Variants in CARMIL1 observed in about 807,000 individuals in gnomAD.
The protein encoded by CARMIL1 is F-actin-uncapping protein LRRC16A.
A neutral mutation model predicts 177.1 loss-of-function variants in CARMIL1; 90 were observed. The observed-to-expected ratio is 0.51, with a 90% CI of 0.43 to 0.61. The LOEUF is 0.61. CARMIL1 is among the 20% of genes least tolerant of loss of function. The pLI is 0.00. For synonymous variants in CARMIL1, 577 were observed against 606.2 expected (o/e 0.95, Z 0.71); for missense variants, 1,380 against 1,667.0 (o/e 0.83, Z 3.00).
At position 25,485,801 on chromosome 6, in the gene CARMIL1, A is replaced by T. The variant is rs578054433; in HGVS notation, c.962-2681A>T. 5.9e-5 allele frequency among the ~76,000 whole-genome samples: 9 copies of T among 152,246 alleles called. No individual in the cohort carries two copies. The East Asian group carries it at 1.4e-3, about 23-fold the overall frequency. On this transcript the variant is annotated intron_variant, in intron 12 of 36. Coordinates refer to ENST00000329474, the MANE Select transcript of CARMIL1 (RefSeq NM_017640.6). The stretch of plus-strand genomic sequence containing the variant: ...TGTTTGTTTATTTATTTATTTTTTT[A>T]AATTGACTTCTTGAAGTATTTTACA...
At chr6:25,372,230 A>C (rs1448224969) in intron 2 of CARMIL1, among the ~76,000 whole-genome samples, 2 of 151,786 alleles carry the variant, frequency 1.3e-5, no homozygotes, top group Non-Finnish European at 2.9e-5. Flanking sequence ...TGTTTTGGCT[A>C]TTCAGGTTCT....
At chr6:25,476,192 A>C (rs755209005) in intron 11 of CARMIL1, among the ~76,000 whole-genome samples, 2 of 152,194 alleles carry the variant, frequency 1.3e-5, no homozygotes, top group Non-Finnish European at 2.9e-5. Context: ...CATGTGTTCA[A>C]AGATGATGTT....
chr6:25,618,045 GT>G (rs568461109), intron 36 of CARMIL1, among the ~76,000 whole-genome samples: 199 of 152,140 alleles, frequency 1.3e-3, no homozygotes, highest in African/African-American at 4.1e-3. Context: ...GATTTGAAAG[GT>G]TTTTTTCCTT....
At chr6:25,307,830 T>C (rs1325728244) in intron 2 of CARMIL1, among the ~76,000 whole-genome samples, 1 of 152,256 alleles carries the variant, frequency 6.6e-6, no homozygotes, top group Non-Finnish European at 1.5e-5. Flanking sequence ...AGTGTAAGCC[T>C]CTTTTTTGAT....
intron 28 of CARMIL1, 25 bp from the exon 29 acceptor site, chr6:25,556,676 C>T: frequency 6.3e-7 from 1 of 1,595,334 alleles, no homozygotes; most frequent in African/African-American, 1.4e-5. Context: ...TTTAATTTCT[C>T]CTCGTACACG....
intron 33 of CARMIL1, among the ~76,000 whole-genome samples, chr6:25,602,099 A>G (rs1176020551): frequency 6.6e-6 from 1 of 152,082 alleles, no homozygotes; most frequent in Non-Finnish European, 1.5e-5. Flanking sequence ...TAAAAATTAA[A>G]CTCCACTTCC....
At chr6:25,349,930 T>C (rs1787945103) in intron 2 of CARMIL1, among the ~76,000 whole-genome samples, 1 of 152,070 alleles carries the variant, frequency 6.6e-6, no homozygotes. Flanking sequence ...GGTTTCACCA[T>C]GTTGGCCAAG....
intron 17 of CARMIL1, among the ~76,000 whole-genome samples, chr6:25,508,523 G>A (rs1805141016): frequency 6.6e-6 from 1 of 152,066 alleles, no homozygotes; most frequent in Non-Finnish European, 1.5e-5. Flanking sequence ...ACAGTGAGAC[G>A]CTGTCTCAAA....
At chr6:25,602,734 AG>A in intron 33 of CARMIL1, among the ~76,000 whole-genome samples, 1 of 152,360 alleles carries the variant, frequency 6.6e-6, no homozygotes, top group South Asian at 2.1e-4. Context: ...TTCTTTCTAA[AG>A]GTAGCAACAA....
chr6:25,298,032 A>G (rs960790120), intron 2 of CARMIL1, among the ~76,000 whole-genome samples: 3 of 152,228 alleles, frequency 2.0e-5, no homozygotes, highest in South Asian at 4.1e-4. Flanking sequence ...CAAGTTATTT[A>G]ACTTCTCTGT....
intron 2 of CARMIL1, among the ~76,000 whole-genome samples, chr6:25,395,260 G>A (rs1373939291): frequency 1.3e-5 from 2 of 152,176 alleles, no homozygotes; most frequent in Non-Finnish European, 2.9e-5. Context: ...TGGAGAGGAC[G>A]TACAGGATAC....
chr6:25,452,002 C>T (rs758138411), intron 8 of CARMIL1: 5 of 258,836 alleles, frequency 1.9e-5, no homozygotes, highest in South Asian at 7.8e-5. Flanking sequence ...CCCTCCCCCC[C>T]CCAGAATACT....
intron 24 of CARMIL1, among the ~76,000 whole-genome samples, chr6:25,533,934 A>G (rs1014746527): frequency 2.0e-5 from 3 of 151,950 alleles, no homozygotes; most frequent in African/African-American, 7.3e-5. Context: ...TGATTTTGCC[A>G]TTTCACTCAG....
intron 2 of CARMIL1, among the ~76,000 whole-genome samples, chr6:25,354,480 G>A (rs1434723542): frequency 6.6e-6 from 1 of 151,464 alleles, no homozygotes; most frequent in African/African-American, 2.4e-5. Flanking sequence ...TACTTGCCCT[G>A]CTGTGGCTTT....
chr6:25,349,423 G>C (rs77482574), intron 2 of CARMIL1, among the ~76,000 whole-genome samples: 6 of 152,200 alleles, frequency 3.9e-5, no homozygotes, highest in Non-Finnish European at 5.9e-5. Context: ...CGGACCTGCT[G>C]TATAGGTTTA....
chr6:25,384,616 A>G (rs1410630908), intron 2 of CARMIL1, among the ~76,000 whole-genome samples: 1 of 152,182 alleles, frequency 6.6e-6, no homozygotes, highest in Non-Finnish European at 1.5e-5. Context: ...GTGTTTTTTT[A>G]ACAAACATTG....
At chr6:25,339,992 A>C (rs1178137055) in intron 2 of CARMIL1, among the ~76,000 whole-genome samples, 1 of 152,214 alleles carries the variant, frequency 6.6e-6, no homozygotes, top group African/African-American at 2.4e-5. Flanking sequence ...CATCATGCCT[A>C]GTCTGCCTGC....
At chr6:25,359,675 G>A (rs6456678) in intron 2 of CARMIL1, among the ~76,000 whole-genome samples, 132,384 of 152,206 alleles carry the variant, frequency 0.87, 57,799 homozygotes, top group African/African-American at 0.93. Flanking sequence ...GACTATTGCA[G>A]CAGAGAAACT....
At chr6:25,366,388 T>A (rs1789803777) in intron 2 of CARMIL1, among the ~76,000 whole-genome samples, 1 of 152,090 alleles carries the variant, frequency 6.6e-6, no homozygotes, top group Admixed American at 6.5e-5. Context: ...CTTCTTCAAA[T>A]CTCTGTACAA....
Sources: allele counts gnomAD v4.1 joint callset (sites outside exome capture counted in the v4.1 genomes callset), GRCh38; gene constraint gnomAD v4.1.1; transcripts MANE v1.5; gene names NCBI Gene and HGNC (gene_info 2026-07-23, HGNC 2026-07-21).